Variants in MYOM1 observed in about 807,000 individuals in gnomAD.
MYOM1 encodes the protein myomesin 1, also known as myomesin-1.
MYOM1 carries 164 observed loss-of-function variants against 205.3 expected under a neutral mutation model. The observed-to-expected ratio is 0.80, with a 90% CI of 0.70 to 0.91. The LOEUF is 0.91. MYOM1 is among the 40% of genes least tolerant of loss of function. The pLI, the probability that MYOM1 is intolerant of heterozygous loss-of-function variation, is 0.00. For synonymous variants in MYOM1, 772 were observed against 789.4 expected, an observed-to-expected ratio of 0.98 and a Z score of 0.37; for missense variants, 2,011 against 2,127.3, an observed-to-expected ratio of 0.95 and a Z score of 1.08.
intron 6 of MYOM1, among the ~76,000 whole-genome samples, chr18:3,175,023 G>A (rs778113146): frequency 6.6e-5 from 10 of 152,018 alleles, no homozygotes; most frequent in African/African-American, 1.2e-4. Context: ...ATTGTTTCTC[G>A]GGGTTTAGTT....
At position 3,151,800 on chromosome 18, in the gene MYOM1, G is replaced by T. The variant is rs752465018; in HGVS notation, c.1737C>A (p.Ser579=). Residue 579 remains serine, a synonymous_variant, in exon 12 of 38, where the codon TCC becomes TCA. Transcript: ENST00000356443. Reference sequence around the variant, plus strand: ...TCACAGCTCGAACTCGGAAGATATAGGAACGACCTTCGATCAATCCAGTGA... The same window carrying T: ...TCACAGCTCGAACTCGGAAGATATATGAACGACCTTCGATCAATCCAGTGA... The part of the protein sequence containing the change: ...FPVTGLIEGR[S]YIFRVRAVNK... The T allele has an allele frequency of 6.2e-6, 10 of 1,613,902 alleles. No homozygotes were observed. Among genetic ancestry groups the T allele is most frequent in the Non-Finnish European group, 8.5e-6 (10 of 1,179,824 alleles).
intron 37 of MYOM1, among the ~76,000 whole-genome samples, chr18:3,069,705 G>GC (rs2078939076): frequency 7.2e-6 from 1 of 139,546 alleles, no homozygotes; most frequent in Non-Finnish European, 1.5e-5. Context: ...ACAGTCTAGT[G>GC]GTTAGGAAAA....
At chr18:3,185,275 A>C (rs563864409) in intron 5 of MYOM1, among the ~76,000 whole-genome samples, 1 of 152,354 alleles carries the variant, frequency 6.6e-6, no homozygotes, top group South Asian at 2.1e-4. Flanking sequence ...TAACAGAATA[A>C]ATAAATGCTT....
intron 14 of MYOM1, among the ~76,000 whole-genome samples, chr18:3,140,538 G>A (rs560948531): frequency 2.6e-5 from 4 of 152,300 alleles, no homozygotes; most frequent in African/African-American, 9.6e-5. Flanking sequence ...TGCATGTAGA[G>A]GAGATAAGGC....
chr18:3,219,008 T>C lies in MYOM1; in HGVS notation c.-29+795A>G, dbSNP rs1374116849. Among the ~76,000 whole-genome samples the C allele has an allele frequency of 6.6e-6, 1 of 152,160 alleles. No homozygotes were observed. The highest frequency in any genetic ancestry group is 1.9e-4 in the East Asian group (1 of 5,202). ...CTGGAACAAAGGTACAACCACCTCCTCTTCATCAAGTAAGCCCTTGAAGTT... is the reference window on the plus strand; with the variant it reads ...CTGGAACAAAGGTACAACCACCTCCCCTTCATCAAGTAAGCCCTTGAAGTT... On this transcript the variant is annotated intron_variant, in intron 1 of 37. Transcript: ENST00000356443. This position sits in a 1 kb window ranked among gnomAD's most constrained non-coding sequence, Gnocchi z 4.4.
intron 3 of MYOM1, among the ~76,000 whole-genome samples, chr18:3,191,667 A>G (rs764845203): frequency 1.3e-5 from 2 of 152,084 alleles, no homozygotes; most frequent in Admixed American, 6.6e-5. Flanking sequence ...CTAGAAATAA[A>G]GCCTAGAAGA....
chr18:3,194,428 T>TC lies in MYOM1; in HGVS notation c.291-471dup, dbSNP rs1374189709. On this transcript the variant is annotated intron_variant, in intron 2 of 37. Transcript: ENST00000356443. ...GAGACCTTTATGTATTATAGGCAAC[T>TC]CCTGCCTTTGAAGGGACGTGGGGCT... is the stretch of plus-strand genomic sequence containing the variant. Among the ~76,000 whole-genome samples, 9 of 152,344 alleles carry TC rather than the reference T, an allele frequency of 5.9e-5. No homozygotes were observed. The South Asian group carries it at 1.9e-3, about 32-fold the overall frequency.
chr18:3,208,786 G>A (rs1342573624), intron 2 of MYOM1, among the ~76,000 whole-genome samples: 1 of 152,024 alleles, frequency 6.6e-6, no homozygotes, highest in Non-Finnish European at 1.5e-5. Context: ...AGGAAAAAAA[G>A]TAAAACCTTG....
chr18:3,198,795 A>G (rs2081027142), intron 2 of MYOM1, among the ~76,000 whole-genome samples: 2 of 151,948 alleles, frequency 1.3e-5, no homozygotes, highest in African/African-American at 4.8e-5. Context: ...AAAAAGAAAA[A>G]AAAAAAAAAA....
At chr18:3,187,860 T>TC (rs2080842731) in intron 4 of MYOM1, among the ~76,000 whole-genome samples, 1 of 145,744 alleles carries the variant, frequency 6.9e-6, no homozygotes, top group Admixed American at 6.8e-5. Context: ...TCTTTTTCTT[T>TC]TTTTTTTTTT....
intron 36 of MYOM1, 49 bp from the exon 37 acceptor site, chr18:3,071,938 G>A (rs377065011): frequency 2.0e-5 from 31 of 1,544,086 alleles, no homozygotes; most frequent in Admixed American, 1.5e-4. Flanking sequence ...CAAGGCCAGC[G>A]GTCATACTCA....
rs764372608 is a variant in MYOM1 at position 3,094,279 on chromosome 18, A to G, written c.3755T>C (p.Val1252Ala). 6.2e-7 allele frequency: 1 copy of G among 1,613,764 alleles called. No homozygotes were observed. The highest frequency in any genetic ancestry group is 1.3e-5 in the African/African-American group (1 of 75,022). The stretch of plus-strand genomic sequence containing the variant: ...GACCTGGCCTTTCTCCAAAATTTCA[A>G]CTGCCAACTCTGATTTAACTGGGAC... ...PTVPVKSELA[V>A]EILEKGQVRF... The change falls in exon 26 of 38, where the codon GTT becomes GCT. Residue 1252 changes from valine (V) to alanine (A), a missense_variant. By Grantham distance (64) the Val-to-Ala change is moderately conservative. Transcript: ENST00000356443.
chr18:3,159,166 C>T (rs34065085), intron 10 of MYOM1, among the ~76,000 whole-genome samples: 20,242 of 152,194 alleles, frequency 0.13, 1,525 homozygotes, highest in Middle Eastern at 0.21. Flanking sequence ...CTGTGGGTGG[C>T]AGACTTACGG....
intron 3 of MYOM1, among the ~76,000 whole-genome samples, chr18:3,192,721 A>G (rs2080928712): frequency 1.3e-5 from 2 of 152,296 alleles, no homozygotes; most frequent in South Asian, 4.1e-4. Context: ...TCCTTTCAAG[A>G]TTCCTTTAAA....
intron 29 of MYOM1, among the ~76,000 whole-genome samples, chr18:3,088,837 G>A (rs1229104298): frequency 6.6e-6 from 1 of 152,186 alleles, no homozygotes; most frequent in Non-Finnish European, 1.5e-5. Context: ...ATTGCAGCTG[G>A]AGTGATTCTG....
At chr18:3,145,198 A>G (rs941280990) in intron 13 of MYOM1, among the ~76,000 whole-genome samples, 1 of 151,830 alleles carries the variant, frequency 6.6e-6, no homozygotes, top group African/African-American at 2.4e-5. Context: ...AATCCCAGCT[A>G]CTCATGGGGG....
At chr18:3,215,404 A>G (rs998383981) in intron 1 of MYOM1, among the ~76,000 whole-genome samples, 153 bp from the exon 2 acceptor site, 1 of 152,130 alleles carries the variant, frequency 6.6e-6, no homozygotes, top group Admixed American at 6.5e-5. Flanking sequence ...CCGGGAGCTC[A>G]AAATCAACCT....
At chr18:3,085,298 C>T (rs2079140365) in intron 30 of MYOM1, among the ~76,000 whole-genome samples, 166 bp from the exon 31 acceptor site, 1 of 113,332 alleles carries the variant, frequency 8.8e-6, no homozygotes, top group Non-Finnish European at 1.6e-5. Flanking sequence ...CTCTATCAGC[C>T]AGGCTGGAGT....
At chr18:3,164,999 T>C (rs1042224592) in intron 9 of MYOM1, among the ~76,000 whole-genome samples, 1 of 152,210 alleles carries the variant, frequency 6.6e-6, no homozygotes, top group Non-Finnish European at 1.5e-5. Flanking sequence ...TGCAAGCTCA[T>C]GAATTAATTC....
Sources: allele counts gnomAD v4.1 joint callset (sites outside exome capture counted in the v4.1 genomes callset), GRCh38; gene constraint gnomAD v4.1.1; non-coding constraint Gnocchi (gnomAD v3.1); transcripts MANE v1.5; gene names NCBI Gene and HGNC (gene_info 2026-07-23, HGNC 2026-07-21).